ADARB2: variants seen among roughly 807,000 people sequenced by gnomAD.
ADARB2 encodes inactive double-stranded RNA-specific editase B2.
ADARB2 carries 25 observed loss-of-function variants against 62.2 expected under a neutral mutation model. The ratio of observed to expected loss-of-function variants is 0.40; its 90% CI spans 0.29 to 0.56. The LOEUF is 0.56. Ranked by LOEUF, ADARB2 falls within the 20% of genes least tolerant of loss-of-function variation. ADARB2 has a pLI of 0.43. For missense variants in ADARB2, 1,071 were observed against 1,077.4 expected (o/e 0.99, Z 0.08); for synonymous variants, 572 against 500.8 (o/e 1.14, Z -1.90).
intron 1 of ADARB2, among the ~76,000 whole-genome samples, chr10:1,396,885 C>G (rs1832620535): frequency 8.1e-6 from 1 of 124,208 alleles, no homozygotes; most frequent in African/African-American, 3.1e-5. Flanking sequence ...TGCAGGCTTC[C>G]TGGGTCACCG....
chr10:1,468,840 G>A (rs1467142297), intron 1 of ADARB2, among the ~76,000 whole-genome samples: 2 of 152,248 alleles, frequency 1.3e-5, no homozygotes, highest in African/African-American at 2.4e-5. Flanking sequence ...GTGCCCAAGT[G>A]GGACACAGCT....
At chr10:1,603,893 C>T (rs140523834) in intron 1 of ADARB2, among the ~76,000 whole-genome samples, 1,572 of 152,112 alleles carry the variant, frequency 0.01, 29 homozygotes, top group African/African-American at 0.036. Flanking sequence ...ACCTCTCTGC[C>T]TCCTGGGTTC....
At chr10:1,260,354 G>T (rs1831124158) in intron 4 of ADARB2, among the ~76,000 whole-genome samples, 1 of 152,204 alleles carries the variant, frequency 6.6e-6, no homozygotes, top group South Asian at 2.1e-4. Context: ...AAAAGAGGAA[G>T]TCAAATTGTC....
intron 1 of ADARB2, among the ~76,000 whole-genome samples, chr10:1,389,600 G>A (rs935423451): frequency 7.2e-5 from 11 of 151,922 alleles, no homozygotes; most frequent in Non-Finnish European, 1.6e-4. Flanking sequence ...AAAATTAGCT[G>A]GGTGTGGTGG....
intron 1 of ADARB2, among the ~76,000 whole-genome samples, chr10:1,407,029 C>T (rs1204477761): frequency 2.0e-5 from 3 of 152,328 alleles, no homozygotes; most frequent in East Asian, 1.9e-4. Context: ...TTTGGCTGTG[C>T]GGCTGCATAA....
At chr10:1,371,313 A>G (rs973787214) in intron 2 of ADARB2, among the ~76,000 whole-genome samples, 2 of 152,246 alleles carry the variant, frequency 1.3e-5, no homozygotes, top group Non-Finnish European at 2.9e-5. Context: ...TTAAAGACTT[A>G]AACATAGGAC....
At chr10:1,694,797 A>G (rs1834718167) in intron 1 of ADARB2, among the ~76,000 whole-genome samples, 1 of 151,692 alleles carries the variant, frequency 6.6e-6, no homozygotes, top group Non-Finnish European at 1.5e-5. Context: ...CGAGGGAGGG[A>G]GGGTTATGGG....
rs181806848 is a variant in ADARB2, at chr10:1,542,040, A to G, written c.101-162880T>C. 1.4e-4 allele frequency among the ~76,000 whole-genome samples: 7 copies of G among 49,928 alleles called. 2 individuals are homozygous for G. In the Admixed American group the frequency reaches 1.6e-3, roughly 11 times the overall value. The allele number at this position is 49,928 out of a possible 152,430, so 32.8% of individuals were successfully genotyped here. On this transcript the variant is annotated intron_variant, in intron 1 of 9. Coordinates refer to ENST00000381312, the MANE Select transcript of ADARB2 (RefSeq NM_018702.4). ...TCCAGACCCCACTCAGACTCAGTTC[A>G]GACCCTGGATCCGTCCAGACCCCAC...
intron 1 of ADARB2, among the ~76,000 whole-genome samples, chr10:1,725,537 G>C (rs1378322086): frequency 6.6e-6 from 1 of 152,138 alleles, no homozygotes. Context: ...GCCGGGAAGA[G>C]ACGTCCAGGA....
chr10:1,668,084 C>T (rs1048938596), intron 1 of ADARB2, among the ~76,000 whole-genome samples: 1 of 152,200 alleles, frequency 6.6e-6, no homozygotes, highest in Non-Finnish European at 1.5e-5. Context: ...GCTGGACGCT[C>T]ACCCTCACCC....
At chr10:1,641,012 GA>G (rs1436536569) in intron 1 of ADARB2, among the ~76,000 whole-genome samples, 1 of 152,048 alleles carries the variant, frequency 6.6e-6, no homozygotes, top group Non-Finnish European at 1.5e-5. Context: ...AGATTCTAGC[GA>G]AAAAGTATTC....
chr10:1,594,106 A>G (rs1761533033), intron 1 of ADARB2, among the ~76,000 whole-genome samples: 1 of 152,168 alleles, frequency 6.6e-6, no homozygotes, highest in African/African-American at 2.4e-5. Flanking sequence ...CCTGGCCAAC[A>G]TAGTGAAACC....
chr10:1,538,676 G>A (rs954159555), intron 1 of ADARB2, among the ~76,000 whole-genome samples: 1 of 152,348 alleles, frequency 6.6e-6, no homozygotes, highest in South Asian at 2.1e-4. Flanking sequence ...GGGTATAGTA[G>A]GCTGAGGCCA....
At chr10:1,259,071 G>T (rs938525749) in intron 4 of ADARB2, among the ~76,000 whole-genome samples, 7 of 152,144 alleles carry the variant, frequency 4.6e-5, no homozygotes, top group African/African-American at 1.7e-4. Context: ...ACGAAATGAA[G>T]GCAGAAATAA....
chr10:1,448,476 C>T (rs983241181), intron 1 of ADARB2, among the ~76,000 whole-genome samples: 2 of 152,224 alleles, frequency 1.3e-5, no homozygotes. Context: ...AATCCCTCCT[C>T]CTTGGAAGTG....
chr10:1,424,477 G>A (rs1446030638), intron 1 of ADARB2, among the ~76,000 whole-genome samples: 3 of 152,154 alleles, frequency 2.0e-5, no homozygotes, highest in Admixed American at 6.5e-5. Context: ...GTGGATTCTC[G>A]CGGATATTTA....
chr10:1,678,890 CAT>C (rs1564365792), intron 1 of ADARB2, among the ~76,000 whole-genome samples: 1 of 152,124 alleles, frequency 6.6e-6, no homozygotes, highest in African/African-American at 2.4e-5. Flanking sequence ...CCAGGTAAGA[CAT>C]GTCCTAGCAC....
intron 1 of ADARB2, among the ~76,000 whole-genome samples, chr10:1,663,474 A>G (rs1291328090): frequency 6.6e-6 from 1 of 152,104 alleles, no homozygotes; most frequent in East Asian, 1.9e-4. Flanking sequence ...GAAACCATGA[A>G]TCTTTTTACT....
chr10:1,481,601 A>G (rs1459159283), intron 1 of ADARB2, among the ~76,000 whole-genome samples: 1 of 145,720 alleles, frequency 6.9e-6, no homozygotes, highest in African/African-American at 2.5e-5. Context: ...GGCTGGGCAC[A>G]GTGGCTCACG....
Sources: gnomAD v4.1 joint callset for allele counts (sites outside exome capture counted in the v4.1 genomes callset) on GRCh38, gnomAD v4.1.1 for gene constraint, MANE v1.5 for transcripts, NCBI Gene and HGNC (gene_info 2026-07-23, HGNC 2026-07-21) for gene names.